SCAPER: variants seen among roughly 807,000 people sequenced by gnomAD.
SCAPER encodes the protein S-phase cyclin A associated protein in the ER.
SCAPER carries 98 observed loss-of-function variants against 182.2 expected under a neutral mutation model. That is an observed-to-expected ratio of 0.54 (90% CI 0.46 to 0.64). SCAPER has a LOEUF of 0.64. SCAPER is among the 30% of genes least tolerant of loss of function. SCAPER has a pLI of 0.00. For missense variants in SCAPER, 1,432 were observed against 1,690.0 expected, an observed-to-expected ratio of 0.85 and a Z score of 2.68; for synonymous variants, 605 against 564.6, an observed-to-expected ratio of 1.07 and a Z score of -1.01.
At chr15:76,425,279 A>C (rs62028407) in intron 26 of SCAPER, among the ~76,000 whole-genome samples, 12,735 of 152,092 alleles carry the variant, frequency 0.084, 619 homozygotes, top group African/African-American at 0.12. Context: ...TGGTCTTTTC[A>C]CATAGTCCCA....
chr15:76,608,645 T>C (rs1291249913), intron 22 of SCAPER, among the ~76,000 whole-genome samples: 1 of 152,218 alleles, frequency 6.6e-6, no homozygotes, highest in African/African-American at 2.4e-5. Flanking sequence ...GCAGGCCTCC[T>C]TGAGCTGTGG....
At chr15:76,637,738 ATATATGTGTGTGTG>A (rs1181744564) in intron 21 of SCAPER, among the ~76,000 whole-genome samples, 11 of 28,720 alleles carry the variant, frequency 3.8e-4, no homozygotes, top group African/African-American at 6.9e-4. Flanking sequence ...ATATATATAT[ATATATGTGTGTGTG>A]TGTGTGTGTG....
At chr15:76,669,588 T>C (rs1033384888) in intron 20 of SCAPER, among the ~76,000 whole-genome samples, 5 of 152,226 alleles carry the variant, frequency 3.3e-5, no homozygotes, top group African/African-American at 9.6e-5. Context: ...TTTCCTATCA[T>C]CTTCACAATC....
intron 24 of SCAPER, among the ~76,000 whole-genome samples, chr15:76,487,038 A>G (rs1426372796): frequency 6.6e-6 from 1 of 152,176 alleles, no homozygotes; most frequent in Non-Finnish European, 1.5e-5. Flanking sequence ...TTGTGGGGAT[A>G]TGGAGGGAGC....
intron 4 of SCAPER, among the ~76,000 whole-genome samples, chr15:76,855,127 A>C (rs1218670978): frequency 2.0e-5 from 3 of 152,214 alleles, no homozygotes; most frequent in Non-Finnish European, 4.4e-5. Flanking sequence ...ATAAGGCCAC[A>C]CACCTACAAC....
At chr15:76,539,295 G>A (rs565703723) in intron 23 of SCAPER, among the ~76,000 whole-genome samples, 3 of 152,094 alleles carry the variant, frequency 2.0e-5, no homozygotes, top group Admixed American at 6.5e-5. Flanking sequence ...TTATAGGTAC[G>A]TTTTGTGCAA....
At chr15:76,356,037 G>A (rs1410535394) in intron 29 of SCAPER, among the ~76,000 whole-genome samples, 1 of 152,182 alleles carries the variant, frequency 6.6e-6, no homozygotes, top group Non-Finnish European at 1.5e-5. Context: ...AGTCTACTAC[G>A]ACTGATGAGA....
intron 1 of SCAPER, among the ~76,000 whole-genome samples, chr15:76,885,888 A>C (rs1022827289): frequency 6.6e-6 from 1 of 152,214 alleles, no homozygotes; most frequent in African/African-American, 2.4e-5. Flanking sequence ...AAACAAAAGA[A>C]GACTAAACAT....
intron 17 of SCAPER, among the ~76,000 whole-genome samples, chr15:76,726,130 T>A (rs933804150): frequency 1.7e-5 from 2 of 115,180 alleles, no homozygotes; most frequent in African/African-American, 6.7e-5. Flanking sequence ...CTAGAATATA[T>A]ATATATATAT....
At chr15:76,775,261 ATTTG>A in intron 8 of SCAPER, 144 bp from the exon 9 acceptor site, 1 of 681,956 alleles carries the variant, frequency 1.5e-6, no homozygotes, top group Non-Finnish European at 2.3e-6. Context: ...CAAAATGTAT[ATTTG>A]TATATACATA....
In SCAPER at chr15:76,401,607, C is replaced by T. The variant is rs188305939; in HGVS notation, c.3467+2917G>A. ...GTCTAGCTCTTGTAGCCCTTTGCAC[C>T]TCCCAAGAACTAACATTTATGGAGC... On this transcript the variant is annotated intron_variant, in intron 27 of 31. Coordinates refer to ENST00000563290, the MANE Select transcript of SCAPER (RefSeq NM_020843.4). 2.5e-3 allele frequency among the ~76,000 whole-genome samples: 388 copies of T among 152,242 alleles called. 2 individuals are homozygous for T. The highest frequency in any genetic ancestry group is 9.0e-3 in the African/African-American group (372 of 41,548).
intron 4 of SCAPER, among the ~76,000 whole-genome samples, chr15:76,854,651 G>C (rs2071143028): frequency 1.3e-5 from 2 of 151,710 alleles, no homozygotes; most frequent in African/African-American, 2.4e-5. Flanking sequence ...AAATAGCCAA[G>C]GCAATCCTAA....
intron 31 of SCAPER, chr15:76,349,729 G>C (rs1336952986): frequency 1.3e-5 from 2 of 151,938 alleles, no homozygotes; most frequent in African/African-American, 2.4e-5. Context: ...GCAAAGGAGA[G>C]ACCAATTCCC....
intron 25 of SCAPER, among the ~76,000 whole-genome samples, chr15:76,456,476 T>A (rs541396774): frequency 6.6e-6 from 1 of 152,370 alleles, no homozygotes; most frequent in South Asian, 2.1e-4. Flanking sequence ...GATTTCAAGC[T>A]CTTTAAATGT....
chr15:76,574,990 C>T (rs891242025), intron 22 of SCAPER, among the ~76,000 whole-genome samples: 1 of 152,086 alleles, frequency 6.6e-6, no homozygotes, highest in South Asian at 2.1e-4. Context: ...ATCCCCGTTG[C>T]CTTAAATTTT....
chr15:76,608,864 C>T (rs1261633623), intron 22 of SCAPER, among the ~76,000 whole-genome samples: 1 of 152,112 alleles, frequency 6.6e-6, no homozygotes, highest in Admixed American at 6.5e-5. Context: ...TTTTTTAAGC[C>T]CGTTGGAAAA....
At chr15:76,468,929 G>C (rs192322792) in intron 25 of SCAPER, among the ~76,000 whole-genome samples, 57 of 152,242 alleles carry the variant, frequency 3.7e-4, no homozygotes, top group Non-Finnish European at 7.5e-4. Context: ...CAAGTCAGCA[G>C]TTTGAAACCT....
chr15:76,400,748 T>C (rs907770288), intron 27 of SCAPER, among the ~76,000 whole-genome samples: 1 of 152,168 alleles, frequency 6.6e-6, no homozygotes, highest in African/African-American at 2.4e-5. Context: ...TAAGTCCTAC[T>C]AACAGAAGTT....
intron 24 of SCAPER, among the ~76,000 whole-genome samples, chr15:76,485,472 T>C (rs2051540656): frequency 6.6e-6 from 1 of 152,228 alleles, no homozygotes; most frequent in Non-Finnish European, 1.5e-5. Flanking sequence ...AAGCAATTTA[T>C]AGATTTAATG....
Sources: allele counts gnomAD v4.1 joint callset (sites outside exome capture counted in the v4.1 genomes callset), GRCh38; gene constraint gnomAD v4.1.1; transcripts MANE v1.5; gene names NCBI Gene and HGNC (gene_info 2026-07-23, HGNC 2026-07-21).